The following SHISA6 variants were observed in gnomAD, a reference collection of about 807,000 sequenced individuals.
SHISA6 encodes the protein protein shisa-6.
SHISA6 carries 22 observed loss-of-function variants against 47.9 expected under a neutral mutation model. The ratio of observed to expected loss-of-function variants is 0.46; its 90% CI spans 0.33 to 0.66. SHISA6 has a LOEUF of 0.66. Ranked by LOEUF, SHISA6 falls within the 30% of genes least tolerant of loss-of-function variation. The pLI, the probability that SHISA6 is intolerant of heterozygous loss-of-function variation, is 0.02. For missense variants in SHISA6, 680 were observed against 764.6 expected (o/e 0.89, Z 1.30); for synonymous variants, 388 against 337.8 (o/e 1.15, Z -1.63).
chr17:11,510,332 G>A (rs2071531723), intron 3 of SHISA6, among the ~76,000 whole-genome samples: 1 of 152,176 alleles, frequency 6.6e-6, no homozygotes, highest in Non-Finnish European at 1.5e-5. Flanking sequence ...TAAACTGAGT[G>A]CCTGAGTGGT....
intron 4 of SHISA6, among the ~76,000 whole-genome samples, chr17:11,552,270 A>C (rs2071938378): frequency 6.6e-6 from 1 of 152,220 alleles, no homozygotes; most frequent in African/African-American, 2.4e-5. Flanking sequence ...CAAGGAGTGG[A>C]ACACCCTCCT....
At chr17:11,291,438 A>G (rs567229603) in intron 2 of SHISA6, among the ~76,000 whole-genome samples, 5 of 152,086 alleles carry the variant, frequency 3.3e-5, no homozygotes, top group Admixed American at 3.3e-4. Flanking sequence ...GATTAAGACC[A>G]TCCTGGCCAT....
intron 2 of SHISA6, among the ~76,000 whole-genome samples, chr17:11,309,994 A>G (rs1806614243): frequency 6.6e-6 from 1 of 152,218 alleles, no homozygotes; most frequent in Non-Finnish European, 1.5e-5. Context: ...GAAGTGGCTC[A>G]TGGTACTTAA....
chr17:11,516,896 G>T (rs901489161), intron 3 of SHISA6, among the ~76,000 whole-genome samples: 4 of 152,164 alleles, frequency 2.6e-5, no homozygotes, highest in Non-Finnish European at 5.9e-5. Flanking sequence ...ACTTGCTGCA[G>T]CCAAGCCCAA....
chr17:11,532,745 T>C (rs896224381), intron 3 of SHISA6, among the ~76,000 whole-genome samples: 1 of 142,448 alleles, frequency 7.0e-6, no homozygotes, highest in African/African-American at 2.7e-5. Flanking sequence ...AGGGCTTTTT[T>C]TTTTTTTTTT....
At chr17:11,535,467 C>T (rs1012994596) in intron 3 of SHISA6, among the ~76,000 whole-genome samples, 3 of 152,196 alleles carry the variant, frequency 2.0e-5, no homozygotes, top group African/African-American at 4.8e-5. Flanking sequence ...AGAATAGCTA[C>T]ATTGCTCCGG....
intron 2 of SHISA6, among the ~76,000 whole-genome samples, chr17:11,319,371 G>A (rs960643960): frequency 6.6e-6 from 1 of 152,182 alleles, no homozygotes; most frequent in Non-Finnish European, 1.5e-5. Context: ...GAGCCCCACA[G>A]CCAGACTGTA....
intron 3 of SHISA6, among the ~76,000 whole-genome samples, chr17:11,544,000 T>C (rs1207887846): frequency 6.7e-6 from 1 of 148,442 alleles, no homozygotes; most frequent in Non-Finnish European, 1.5e-5. Context: ...GTATTTACAA[T>C]TGGATATTCA....
chr17:11,324,744 G>A (rs748374471), intron 2 of SHISA6, among the ~76,000 whole-genome samples: 14 of 152,060 alleles, frequency 9.2e-5, no homozygotes, highest in Non-Finnish European at 1.6e-4. Flanking sequence ...GTGAGGTATG[G>A]CATCTAGATT....
chr17:11,250,841 G>A (rs374366229), intron 1 of SHISA6, among the ~76,000 whole-genome samples: 61 of 152,068 alleles, frequency 4.0e-4, no homozygotes, highest in Middle Eastern at 3.2e-3. Flanking sequence ...AGCCAGAGTT[G>A]GAGAGAACTG....
Position 11,263,459 on chromosome 17 carries a change from G to C in SHISA6, c.732G>C (p.Glu244Asp). 6.4e-7 allele frequency: 1 copy of C among 1,551,810 alleles called. No individual in the cohort carries two copies. Among genetic ancestry groups the C allele is most frequent in the Non-Finnish European group, 8.7e-7 (1 of 1,147,010 alleles). The change falls in exon 2 of 6, where the codon GAG becomes GAC. Residue 244 changes from glutamate to aspartate, a missense_variant. Glu to Asp is a conservative substitution (Grantham distance 45). Around this residue, in one of 2 missense-constraint regions of SHISA6, gnomAD observed 559 missense variants for 674.1 expected, o/e 0.83. Coordinates refer to ENST00000441885, the MANE Select transcript of SHISA6 (RefSeq NM_207386.4). The part of the protein sequence containing the change: ...TISAIDTSPK[E>D]NTPVRSSSKN... ...CGGCTATCGATACCTCTCCCAAAGA[G>C]AACACGCCGGTCAGATCGTCCTCCA...
At chr17:11,262,417 T>C (rs1000870889) in intron 1 of SHISA6, among the ~76,000 whole-genome samples, 3 of 152,086 alleles carry the variant, frequency 2.0e-5, no homozygotes, top group Admixed American at 6.5e-5. Flanking sequence ...CCAGGTGTAG[T>C]TTCTTGTGGC....
At chr17:11,426,809 G>A (rs1914623431) in intron 3 of SHISA6, among the ~76,000 whole-genome samples, 1 of 152,198 alleles carries the variant, frequency 6.6e-6, no homozygotes, top group South Asian at 2.1e-4. Context: ...AAGTTGGGGA[G>A]GATTAGAAAG....
intron 3 of SHISA6, among the ~76,000 whole-genome samples, chr17:11,503,157 G>A (rs550777903): frequency 4.6e-5 from 7 of 152,252 alleles, no homozygotes; most frequent in African/African-American, 1.7e-4. Context: ...AGAAACTGAG[G>A]CCCAGAGAGG....
At chr17:11,552,008 C>T in intron 4 of SHISA6, 56 bp downstream of exon 4, 2 of 1,511,618 alleles carry the variant, frequency 1.3e-6, no homozygotes, top group South Asian at 2.4e-5. Context: ...TGGCACCATT[C>T]TAAGGATGGA....
intron 3 of SHISA6, among the ~76,000 whole-genome samples, chr17:11,420,423 A>G (rs531613125): frequency 6.6e-6 from 1 of 152,326 alleles, no homozygotes; most frequent in African/African-American, 2.4e-5. Context: ...AGAGTCACAC[A>G]GCAGTTTGTA....
chr17:11,535,885 ATG>A (rs10570271), intron 3 of SHISA6, among the ~76,000 whole-genome samples: 115,651 of 150,280 alleles, frequency 0.77, 45,050 homozygotes, highest in East Asian at 0.93. Context: ...TGGGAAAACA[ATG>A]TGTGTGTGTG....
intron 3 of SHISA6, among the ~76,000 whole-genome samples, chr17:11,466,707 A>G (rs17773123): frequency 0.27 from 40,443 of 152,096 alleles, 5,559 homozygotes; most frequent in Middle Eastern, 0.37. Flanking sequence ...CTGAACTTTG[A>G]GGCTTTTATT....
intron 3 of SHISA6, among the ~76,000 whole-genome samples, chr17:11,467,188 T>C (rs542150671): frequency 1.3e-5 from 2 of 152,348 alleles, no homozygotes; most frequent in East Asian, 3.9e-4. Context: ...AAGTATTCAT[T>C]CATGCCTTCA....
Sources: gnomAD v4.1 joint callset for allele counts (sites outside exome capture counted in the v4.1 genomes callset) on GRCh38, gnomAD v4.1.1 for gene constraint, gnomAD v4.1.1 regional missense constraint, MANE v1.5 for transcripts, NCBI Gene and HGNC (gene_info 2026-07-23, HGNC 2026-07-21) for gene names.